Variants in CCDC66 observed in about 807,000 individuals in gnomAD.
CCDC66 encodes the protein coiled-coil domain containing 66, also known as coiled-coil domain-containing protein 66.
CCDC66 carries 133 observed loss-of-function variants against 128.3 expected under a neutral mutation model. That is an observed-to-expected ratio of 1.04 (90% confidence interval 0.90 to 1.20). The LOEUF is 1.20. CCDC66 is among the 50% of genes most tolerant of loss of function. The pLI, the probability that CCDC66 is intolerant of heterozygous loss-of-function variation, is 0.00. For missense variants in CCDC66, 1,126 were observed against 1,075.5 expected (o/e 1.05, Z -0.66); for synonymous variants, 387 against 357.0 (o/e 1.08, Z -0.95).
chr3:56,571,682 T>TA (rs1304986130), intron 7 of CCDC66, among the ~76,000 whole-genome samples: 8 of 152,116 alleles, frequency 5.3e-5, no homozygotes, highest in East Asian at 1.9e-4. Context: ...CCAGCCTATT[T>TA]AAAAAAACTT....
At position 56,593,545 on chromosome 3, in the gene CCDC66, G is replaced by A; in HGVS notation, c.1123G>A (p.Gly375Ser). 6.2e-7 allele frequency: 1 copy of A among 1,614,058 alleles called. No individual in the cohort carries two copies. The highest frequency in any genetic ancestry group is 8.5e-7 in the Non-Finnish European group (1 of 1,179,960). Residue 375 changes from glycine (G) to serine (S), a missense_variant, in exon 9 of 18, where the codon GGT becomes AGT. Coordinates refer to ENST00000394672, the MANE Select transcript of CCDC66 (RefSeq NM_001141947.3). ...MHFDSLKSYP[G>S]SQSQLFSQST... The stretch of plus-strand genomic sequence containing the variant: ...CTTTGATTCATTAAAGAGTTATCCT[G>A]GTTCTCAATCTCAGCTGTTCTCTCA...
At chr3:56,610,863 G>A (rs532426868) in intron 10 of CCDC66, among the ~76,000 whole-genome samples, 218 of 152,322 alleles carry the variant, frequency 1.4e-3, no homozygotes, top group African/African-American at 4.9e-3. Flanking sequence ...CACCCAGTGA[G>A]TCTACTTGGC....
At chr3:56,589,179 A>G (rs1046092641) in intron 7 of CCDC66, among the ~76,000 whole-genome samples, 4 of 152,236 alleles carry the variant, frequency 2.6e-5, no homozygotes, top group African/African-American at 4.8e-5. Context: ...CTTCACCAAT[A>G]AGTTAGAGAA....
chr3:56,589,133 T>G (rs895842008), intron 7 of CCDC66, among the ~76,000 whole-genome samples: 1 of 152,132 alleles, frequency 6.6e-6, no homozygotes, highest in Non-Finnish European at 1.5e-5. Flanking sequence ...TACCAGAGAA[T>G]ATGACATTAG....
rs184694301 is a variant in CCDC66 at position 56,616,769 on chromosome 3, G to A, written c.1844-343G>A. ...ACCATTTTACATTCCCACCATCAGT[G>A]CATGTGGGTTCTGATTCTCTATATC... On this transcript the variant is annotated intron_variant, in intron 13 of 17. Transcript: ENST00000394672. The A allele has an allele frequency of 8.9e-4, 180 of 201,524 alleles. 4 individuals carry two copies. The East Asian group carries it at 0.015, about 16-fold the overall frequency. The allele number at this position is 201,524 out of a possible 1,614,324, so 12.5% of individuals were successfully genotyped here.
intron 10 of CCDC66, among the ~76,000 whole-genome samples, chr3:56,603,018 G>A (rs958795670): frequency 6.6e-6 from 1 of 151,576 alleles, no homozygotes; most frequent in Non-Finnish European, 1.5e-5. Context: ...GTATTTTTTA[G>A]TAGAGACGGG....
chr3:56,586,523 C>CT, intron 7 of CCDC66, among the ~76,000 whole-genome samples: 1 of 136,412 alleles, frequency 7.3e-6, no homozygotes, highest in South Asian at 2.3e-4. Flanking sequence ...GAGCAAGACT[C>CT]TTTCTCAAAA....
At chr3:56,562,795 C>T (rs1043378061) in intron 3 of CCDC66, among the ~76,000 whole-genome samples, 5 of 151,240 alleles carry the variant, frequency 3.3e-5, no homozygotes, top group Non-Finnish European at 5.9e-5. Flanking sequence ...CCCACCACCA[C>T]GCCCAGCTAA....
rs554708556 is a variant in CCDC66 at position 56,583,990 on chromosome 3, C to T, written c.937-8980C>T. Among the ~76,000 whole-genome samples the T allele has an allele frequency of 3.9e-4, 52 of 134,154 alleles. 1 individual carries two copies. Among genetic ancestry groups the T allele is most frequent in the African/African-American group, 1.4e-3 (48 of 35,070 alleles). 88.0% of individuals were successfully genotyped at this position (134,154 alleles called of 152,430 possible). A position where few individuals can be genotyped will look rare whatever the true frequency, so the allele number is the denominator to read the frequency against. On this transcript the variant is annotated intron_variant, in intron 7 of 17. Coordinates refer to ENST00000394672, the MANE Select transcript of CCDC66 (RefSeq NM_001141947.3). ...CGGGGGCTGCCCCCCACCTCCCTCC[C>T]GGACGGGGCGGCTGGCCGGGCGGGG... is the stretch of plus-strand genomic sequence containing the variant.
chr3:56,605,004 TG>T (rs2073863609), intron 10 of CCDC66, among the ~76,000 whole-genome samples: 1 of 152,082 alleles, frequency 6.6e-6, no homozygotes, highest in South Asian at 2.1e-4. Flanking sequence ...GTCTTTTTGC[TG>T]TATTTCATTA....
intron 6 of CCDC66, among the ~76,000 whole-genome samples, 153 bp downstream of exon 6, chr3:56,567,206 A>T (rs563600955): frequency 1.2e-4 from 18 of 152,338 alleles, no homozygotes; most frequent in African/African-American, 4.3e-4. Flanking sequence ...CCTGGCCAAC[A>T]TGGTGAAATC....
At chr3:56,616,352 C>T (rs1252109343) in intron 13 of CCDC66, 1 of 278,640 alleles carries the variant, frequency 3.6e-6, no homozygotes, top group Non-Finnish European at 6.7e-6. Flanking sequence ...TCTCTTTTCT[C>T]CTCCAGTTAA....
chr3:56,594,135 GGTCCT>G (rs1287316697), intron 10 of CCDC66, 107 bp downstream of exon 10: 4 of 983,728 alleles, frequency 4.1e-6, no homozygotes, highest in African/African-American at 1.6e-5. Context: ...TTACAGCATA[GGTCCT>G]GTCCAGTTGT....
intron 7 of CCDC66, chr3:56,572,590 G>T: frequency 2.9e-5 from 1 of 34,398 alleles, no homozygotes; most frequent in Non-Finnish European, 9.0e-5. Context: ...TCCTCCTTGT[G>T]AACATTTACA....
chr3:56,563,596 A>G, intron 3 of CCDC66, 88 bp from the exon 4 acceptor site: 4 of 1,068,828 alleles, frequency 3.7e-6, no homozygotes, highest in Non-Finnish European at 5.3e-6. Flanking sequence ...AAAAAAGTTT[A>G]GAGGACTGAT....
At chr3:56,607,973 G>A (rs2074295064) in intron 10 of CCDC66, among the ~76,000 whole-genome samples, 1 of 152,056 alleles carries the variant, frequency 6.6e-6, no homozygotes, top group Non-Finnish European at 1.5e-5. Flanking sequence ...CTGCATCCCT[G>A]GTATGAAACC....
intron 13 of CCDC66, chr3:56,616,833 A>ATCTCAGGTGGT: frequency 3.2e-6 from 1 of 309,598 alleles, no homozygotes; most frequent in African/African-American, 2.2e-5. Flanking sequence ...GTGAAGTGGT[A>ATCTCAGGTGGT]TCTCAGGTGG....
chr3:56,584,172 G>C (rs1291536278), intron 7 of CCDC66, among the ~76,000 whole-genome samples: 1 of 145,618 alleles, frequency 6.9e-6, no homozygotes, highest in Non-Finnish European at 1.5e-5. Flanking sequence ...CCCACCTCCC[G>C]GGCGGGGCGG....
intron 1 of CCDC66, chr3:56,558,028 C>T (rs1214228369): frequency 1.3e-5 from 2 of 152,172 alleles, no homozygotes; most frequent in Non-Finnish European, 2.9e-5. Context: ...TGTTCATAAC[C>T]CTACAATAAG....
Sources: gnomAD v4.1 joint callset for allele counts (sites outside exome capture counted in the v4.1 genomes callset) on GRCh38, gnomAD v4.1.1 for gene constraint, MANE v1.5 for transcripts, NCBI Gene and HGNC (gene_info 2026-07-23, HGNC 2026-07-21) for gene names.